DDX19A: variants seen among roughly 807,000 people sequenced by gnomAD.
DDX19A encodes DEAD-box helicase 19A, also known as ATP-dependent RNA helicase DDX19A.
In DDX19A, 12 loss-of-function variants were observed where a neutral mutation model predicts 60.6. The ratio of observed to expected loss-of-function variants is 0.20; its 90% CI spans 0.13 to 0.32. The LOEUF is 0.32. Ranked by LOEUF, DDX19A falls within the 10% of genes least tolerant of loss-of-function variation. The pLI is 1.00. For synonymous variants in DDX19A, 206 were observed against 218.2 expected, an observed-to-expected ratio of 0.94 and a Z score of 0.49; for missense variants, 337 against 600.6, an observed-to-expected ratio of 0.56 and a Z score of 4.59.
chr16:70,368,383 C>G (rs1192061667), intron 9 of DDX19A, among the ~76,000 whole-genome samples: 1 of 151,834 alleles, frequency 6.6e-6, no homozygotes, highest in Non-Finnish European at 1.5e-5. Flanking sequence ...AGCAATTCTC[C>G]TGCCCCAGCC....
intron 7 of DDX19A, 26 bp downstream of exon 7, chr16:70,365,157 C>A: frequency 6.6e-7 from 1 of 1,504,472 alleles, no homozygotes; most frequent in Non-Finnish European, 9.3e-7. Flanking sequence ...GACAACTGAA[C>A]AGTGAGCAGG....
intron 2 of DDX19A, 86 bp from the exon 3 acceptor site, chr16:70,355,399 T>A: frequency 5.2e-6 from 5 of 968,780 alleles, no homozygotes; most frequent in Middle Eastern, 2.4e-4. Context: ...ATAAAATAAA[T>A]TTCAGTGTAT....
intron 9 of DDX19A, among the ~76,000 whole-genome samples, chr16:70,369,414 G>A (rs779292677): frequency 1.1e-4 from 17 of 150,616 alleles, no homozygotes; most frequent in Non-Finnish European, 2.4e-4. Context: ...TCCTGACCTC[G>A]CGATCGGCCC....
In DDX19A at chr16:70,361,081, T is replaced by C. The variant is rs192542484; in HGVS notation, c.294-337T>C. On this transcript the variant is annotated intron_variant, in intron 4 of 11. Coordinates refer to ENST00000302243, the MANE Select transcript of DDX19A (RefSeq NM_018332.5). Reference sequence around the variant, plus strand: ...ATCTTTTATAATTTATGTAATGCTATGAATTAATAACCACCACCCTTGCTG... The same window carrying C: ...ATCTTTTATAATTTATGTAATGCTACGAATTAATAACCACCACCCTTGCTG... Among the ~76,000 whole-genome samples the C allele has an allele frequency of 2.2e-3, 328 of 152,328 alleles. 1 individual carries two copies. The highest frequency in any genetic ancestry group is 3.9e-3 in the Admixed American group (59 of 15,278).
chr16:70,365,899 C>A, intron 7 of DDX19A, 186 bp from the exon 8 acceptor site: 1 of 776,606 alleles, frequency 1.3e-6, no homozygotes, highest in Non-Finnish European at 2.1e-6. Flanking sequence ...GACCACAGTG[C>A]ACTGAGATAG....
rs543281324 is a variant in DDX19A, at chr16:70,347,614, C to T, written c.57+566C>T. ...AACTGGAATGTAATTACAGCATACA[C>T]TGTGGCTTTCTGTTCTTATATCTAA... On this transcript the variant is annotated intron_variant, in intron 1 of 11. Transcript: ENST00000302243. Among the ~76,000 whole-genome samples the T allele has an allele frequency of 2.0e-5, 3 of 152,312 alleles. No individual in the cohort carries two copies. The South Asian group carries it at 6.2e-4, about 32-fold the overall frequency.
intron 2 of DDX19A, among the ~76,000 whole-genome samples, chr16:70,351,083 C>T (rs936489835): frequency 2.0e-4 from 30 of 151,024 alleles, no homozygotes; most frequent in Admixed American, 4.6e-4. Context: ...AGGGTTTCGC[C>T]GTGTTAGCCA....
intron 2 of DDX19A, among the ~76,000 whole-genome samples, chr16:70,351,618 A>G (rs1349317799): frequency 1.3e-5 from 2 of 151,526 alleles, no homozygotes; most frequent in African/African-American, 2.4e-5. Flanking sequence ...TCCGCCTCCC[A>G]GGTTCACGCC....
chr16:70,360,372 G>C (rs147785297), intron 4 of DDX19A, among the ~76,000 whole-genome samples: 1 of 140,546 alleles, frequency 7.1e-6, no homozygotes, highest in Non-Finnish European at 1.5e-5. Flanking sequence ...CCAGCCCAGA[G>C]TGCAGCGGGG....
intron 5 of DDX19A, among the ~76,000 whole-genome samples, chr16:70,362,340 C>CAAAAA (rs566741768): frequency 2.2e-5 from 1 of 46,384 alleles, no homozygotes; most frequent in Non-Finnish European, 4.7e-5. Context: ...GACTCTGTCT[C>CAAAAA]AAAAAAAAAA....
chr16:70,357,154 G>T (rs937594454), intron 4 of DDX19A, among the ~76,000 whole-genome samples: 1 of 150,248 alleles, frequency 6.7e-6, no homozygotes, highest in South Asian at 2.1e-4. Flanking sequence ...CTCAGGAGGC[G>T]GAGGCTGAGG....
rs1459422688 is a variant in DDX19A at position 70,346,916 on chromosome 16, G to GGTGGCGAGGTTAGGGCCCGC, written c.-73_-54dup. The GGTGGCGAGGTTAGGGCCCGC allele has an allele frequency of 6.8e-7, 1 of 1,462,604 alleles. No homozygotes were observed. The highest frequency in any genetic ancestry group is 2.4e-5 in the East Asian group (1 of 41,656). The allele number at this position is 1,462,604 out of a possible 1,614,324, so 90.6% of individuals were successfully genotyped here. A position where few individuals can be genotyped will look rare whatever the true frequency, so the allele number is the denominator to read the frequency against. ...TCCGCGTGAGGTGCATTCTCGCGCC[G>GGTGGCGAGGTTAGGGCCCGC]GTGGCGAGGTTAGGGCCCGCGTTGC... is the stretch of plus-strand genomic sequence containing the variant. On this transcript the variant is annotated 5_prime_UTR_variant, in exon 1 of 12. Transcript: ENST00000302243.
chr16:70,348,496 G>A (rs999240613), intron 1 of DDX19A, among the ~76,000 whole-genome samples: 3 of 151,794 alleles, frequency 2.0e-5, no homozygotes, highest in Admixed American at 6.6e-5. Context: ...CGTGGTAGTC[G>A]TCCCCTGTTA....
At chr16:70,355,829 G>T (rs1040134469) in intron 3 of DDX19A, 1 of 577,380 alleles carries the variant, frequency 1.7e-6, no homozygotes, top group African/African-American at 1.9e-5. Flanking sequence ...GGGTGTGGTA[G>T]CACACACCTG....
intron 7 of DDX19A, chr16:70,365,380 T>G (rs1431202839): frequency 3.5e-6 from 1 of 288,418 alleles, no homozygotes. Flanking sequence ...ATATCTAGAG[T>G]TCTTCGCTCA....
intron 9 of DDX19A, among the ~76,000 whole-genome samples, chr16:70,369,703 A>T (rs1964626128): frequency 6.9e-6 from 1 of 144,082 alleles, no homozygotes; most frequent in Non-Finnish European, 1.5e-5. Flanking sequence ...ACCAGCCTCG[A>T]CCTCTCAGGT....
chr16:70,365,338 A>G (rs1476206429), intron 7 of DDX19A: 2 of 401,802 alleles, frequency 5.0e-6, no homozygotes, highest in African/African-American at 4.1e-5. Context: ...TGATTAAAAA[A>G]AAAAATCCAC....
intron 3 of DDX19A, 172 bp downstream of exon 3, chr16:70,355,707 A>G: frequency 1.6e-6 from 1 of 626,890 alleles, no homozygotes; most frequent in Non-Finnish European, 2.8e-6. Context: ...CACACCTGTA[A>G]TCCCAGCACT....
At chr16:70,359,813 C>T (rs1197006313) in intron 4 of DDX19A, among the ~76,000 whole-genome samples, 1 of 151,982 alleles carries the variant, frequency 6.6e-6, no homozygotes, top group African/African-American at 2.4e-5. Flanking sequence ...GTTCACACAA[C>T]TGCACTCCAG....
Sources: allele counts gnomAD v4.1 joint callset (sites outside exome capture counted in the v4.1 genomes callset), GRCh38; gene constraint gnomAD v4.1.1; transcripts MANE v1.5; gene names NCBI Gene and HGNC (gene_info 2026-07-23, HGNC 2026-07-21).